The following RBX1 variants were observed in gnomAD, a reference collection of about 807,000 sequenced individuals.
RBX1 encodes ring-box 1.
For synonymous variants in RBX1, 48 were observed against 47.9 expected (o/e 1.00, Z -0.01); for missense variants, 46 against 141.4 (o/e 0.33, Z 3.42).
At chr22:40,961,776 C>T (rs544816949) in intron 2 of RBX1, among the ~76,000 whole-genome samples, 15 of 150,202 alleles carry the variant, frequency 1.0e-4, no homozygotes, top group African/African-American at 2.8e-4. Context: ...AAAGTAAGTG[C>T]TTTGCTTTCT....
At chr22:40,967,943 G>A (rs557725203) in intron 4 of RBX1, 59 bp downstream of exon 4, 28 of 1,197,908 alleles carry the variant, frequency 2.3e-5, no homozygotes, top group Middle Eastern at 1.9e-4. Flanking sequence ...TGAAAGGAGC[G>A]TGGTCTTGGG....
chr22:40,960,112 TA>T (rs935881626), intron 2 of RBX1, among the ~76,000 whole-genome samples: 16 of 148,212 alleles, frequency 1.1e-4, no homozygotes, highest in African/African-American at 2.0e-4. Context: ...CGAGACTGTC[TA>T]AAAAAAAAAG....
chr22:40,972,772 C>A lies in RBX1; in HGVS notation c.*284C>A. On this transcript the variant is annotated 3_prime_UTR_variant, in exon 5 of 5. Coordinates refer to ENST00000216225, the MANE Select transcript of RBX1 (RefSeq NM_014248.4). ...AAGTGAAATGTTTGTTCATCGGGGC[C>A]AGAGCAGGGTTGTCCTCTGAGCGCA... 2.6e-6 allele frequency: 1 copy of A among 386,014 alleles called. No individual in the cohort carries two copies. The highest frequency in any genetic ancestry group is 4.9e-6 in the Non-Finnish European group (1 of 205,440). The allele number at this position is 386,014 out of a possible 1,614,324, so 23.9% of individuals were successfully genotyped here.
intron 2 of RBX1, among the ~76,000 whole-genome samples, chr22:40,955,905 G>C (rs1390160611): frequency 6.6e-6 from 1 of 152,190 alleles, no homozygotes; most frequent in Non-Finnish European, 1.5e-5. Context: ...AAAAACATAT[G>C]CAGGGTTTCA....
chr22:40,960,869 CT>C (rs1038657332), intron 2 of RBX1, among the ~76,000 whole-genome samples: 15 of 152,242 alleles, frequency 9.9e-5, no homozygotes, highest in African/African-American at 2.6e-4. Flanking sequence ...AGCGATTCTC[CT>C]GCCTCAGCCT....
intron 2 of RBX1, among the ~76,000 whole-genome samples, chr22:40,954,987 G>A (rs1231693014): frequency 5.3e-5 from 8 of 152,164 alleles, no homozygotes; most frequent in South Asian, 2.1e-4. Flanking sequence ...CAGTTTTACC[G>A]TGTTGGCCAG....
intron 3 of RBX1, chr22:40,966,472 A>G (rs948405352): frequency 6.6e-6 from 1 of 152,172 alleles, no homozygotes; most frequent in African/African-American, 2.4e-5. Flanking sequence ...GATGGTTAAG[A>G]AAAATGTCTC....
chr22:40,961,038 A>G lies in RBX1; in HGVS notation c.158-3009A>G, dbSNP rs186684364. ...CTCGACTTCCCAAAGTGCTGGGATT[A>G]CAGACATGAGCCACCACGCCCGGCC... On this transcript the variant is annotated intron_variant, in intron 2 of 4. Transcript: ENST00000216225. 5.6e-4 allele frequency among the ~76,000 whole-genome samples: 85 copies of G among 150,674 alleles called. 1 individual carries two copies. In the East Asian group the frequency reaches 0.014, roughly 24 times the overall value.
At chr22:40,969,459 A>G (rs1408483142) in intron 4 of RBX1, among the ~76,000 whole-genome samples, 3 of 151,964 alleles carry the variant, frequency 2.0e-5, no homozygotes, top group Non-Finnish European at 2.9e-5. Flanking sequence ...ATTTATGGGT[A>G]AAGAGTATGG....
intron 2 of RBX1, among the ~76,000 whole-genome samples, chr22:40,955,324 A>G (rs1368029429): frequency 6.6e-6 from 1 of 151,072 alleles, no homozygotes. Context: ...CTGGTCTCGA[A>G]CTGGCTTCAA....
chr22:40,957,622 AGT>A (rs2058329281), intron 2 of RBX1, among the ~76,000 whole-genome samples: 1 of 152,174 alleles, frequency 6.6e-6, no homozygotes, highest in East Asian at 1.9e-4. Context: ...TAGGTGAGAG[AGT>A]GAGACCCTAT....
chr22:40,971,302 A>G (rs1455498925), intron 4 of RBX1, among the ~76,000 whole-genome samples: 1 of 152,210 alleles, frequency 6.6e-6, no homozygotes, highest in Non-Finnish European at 1.5e-5. Flanking sequence ...ATTGTTCTAC[A>G]GCCCATCTCA....
intron 2 of RBX1, among the ~76,000 whole-genome samples, chr22:40,954,762 G>C (rs563139715): frequency 6.6e-5 from 10 of 151,222 alleles, no homozygotes; most frequent in Admixed American, 6.6e-4. Context: ...ACTGACCACG[G>C]TGGCCAAAGC....
chr22:40,962,171 G>A (rs1253291689), intron 2 of RBX1, among the ~76,000 whole-genome samples: 1 of 151,892 alleles, frequency 6.6e-6, no homozygotes, highest in Admixed American at 6.6e-5. Flanking sequence ...GTGCAACTTC[G>A]GCTCACTGCA....
chr22:40,968,951 G>A (rs763248372), intron 4 of RBX1, among the ~76,000 whole-genome samples: 42 of 148,730 alleles, frequency 2.8e-4, no homozygotes, highest in Non-Finnish European at 5.5e-4. Flanking sequence ...TTATGTAAAT[G>A]TACCTTAACT....
chr22:40,962,947 C>T (rs1422567318), intron 2 of RBX1, among the ~76,000 whole-genome samples: 4 of 150,940 alleles, frequency 2.7e-5, no homozygotes, highest in African/African-American at 7.3e-5. Context: ...GTGCCTGCCT[C>T]GGCCTCCCAA....
In RBX1 at chr22:40,953,605, C is replaced by A; in HGVS notation, c.129C>A (p.Ala43=). 1 of 1,610,404 alleles carries A rather than the reference C, an allele frequency of 6.2e-7. No homozygotes were observed. The highest frequency in any genetic ancestry group is 1.1e-5 in the South Asian group (1 of 90,980). ...GGGATATTGTGGTTGATAACTGTGC[C>A]ATCTGCAGGAACCACATTATGGATC... ...WAWDIVVDNC[A]ICRNHIMDLC... is the part of the protein sequence containing the mutation. Residue 43 remains alanine (A), a synonymous_variant, in exon 2 of 5, where the codon GCC becomes GCA. Coordinates refer to ENST00000216225, the MANE Select transcript of RBX1 (RefSeq NM_014248.4).
chr22:40,967,591 G>A (rs370700208), intron 3 of RBX1: 1 of 485,664 alleles, frequency 2.1e-6, no homozygotes, highest in South Asian at 2.5e-5. Flanking sequence ...TCCTTTAGTA[G>A]TAATGACATT....
At position 40,972,904 on chromosome 22, in the gene RBX1, G is replaced by GA. The variant is rs1397121860; in HGVS notation, c.*419dup. On this transcript the variant is annotated 3_prime_UTR_variant, in exon 5 of 5. Transcript: ENST00000216225. ...TCCTGTGTGACAGCAGTGGGCAGCT[G>GA]AAAGAGGGAAGAATGTGGGATTCAG... 1 of 167,262 alleles carries GA rather than the reference G, an allele frequency of 6.0e-6. No individual in the cohort carries two copies. Among genetic ancestry groups the GA allele is most frequent in the Non-Finnish European group, 1.3e-5 (1 of 76,788 alleles). The allele number at this position is 167,262 out of a possible 1,614,324, so 10.4% of individuals were successfully genotyped here. A position where few individuals can be genotyped will look rare whatever the true frequency, so the allele number is the denominator to read the frequency against.
Sources: gnomAD v4.1 joint callset for allele counts (sites outside exome capture counted in the v4.1 genomes callset) on GRCh38, gnomAD v4.1.1 for gene constraint, MANE v1.5 for transcripts, NCBI Gene and HGNC (gene_info 2026-07-23, HGNC 2026-07-21) for gene names.